TCF7L1: variants seen among roughly 807,000 people sequenced by gnomAD.
TCF7L1 encodes the protein transcription factor 7-like 1.
TCF7L1 carries 18 observed loss-of-function variants against 63.7 expected under a neutral mutation model. That is an observed-to-expected ratio of 0.28 (90% confidence interval 0.20 to 0.42). TCF7L1 has a LOEUF of 0.42. TCF7L1 is among the 10% of genes least tolerant of loss of function. The pLI is 1.00. For synonymous variants in TCF7L1, 355 were observed against 340.9 expected (o/e 1.04, Z -0.46); for missense variants, 654 against 779.3 (o/e 0.84, Z 1.91).
At chr2:85,178,235 C>A (rs569415463) in intron 3 of TCF7L1, among the ~76,000 whole-genome samples, 2 of 152,370 alleles carry the variant, frequency 1.3e-5, no homozygotes, top group African/African-American at 2.4e-5. Flanking sequence ...GCCTTTCTTA[C>A]ACACTTTTCA....
At chr2:85,161,955 C>T (rs956390885) in intron 3 of TCF7L1, among the ~76,000 whole-genome samples, 2 of 152,134 alleles carry the variant, frequency 1.3e-5, no homozygotes, top group African/African-American at 4.8e-5. Flanking sequence ...GCGAGGCAGG[C>T]CCAGCAAGGC....
At chr2:85,156,328 G>A (rs1678144411) in intron 3 of TCF7L1, among the ~76,000 whole-genome samples, 1 of 152,200 alleles carries the variant, frequency 6.6e-6, no homozygotes, top group Non-Finnish European at 1.5e-5. Context: ...TTGGCAAAAT[G>A]CCCTCTTCCT....
chr2:85,282,861 G>T (rs911436786), intron 3 of TCF7L1, among the ~76,000 whole-genome samples: 3 of 143,872 alleles, frequency 2.1e-5, no homozygotes, highest in African/African-American at 5.2e-5. Context: ...GTACTGTTTG[G>T]TTTGGGTTTT....
At chr2:85,151,005 A>C (rs1678000429) in intron 3 of TCF7L1, among the ~76,000 whole-genome samples, 2 of 152,202 alleles carry the variant, frequency 1.3e-5, no homozygotes, top group Admixed American at 1.3e-4. Flanking sequence ...ACTATAGAAC[A>C]TATTTGTGCA....
At chr2:85,200,789 C>A (rs1679253424) in intron 3 of TCF7L1, among the ~76,000 whole-genome samples, 2 of 152,184 alleles carry the variant, frequency 1.3e-5, no homozygotes, top group African/African-American at 4.8e-5. Flanking sequence ...GAGCAGCTCA[C>A]ATAGAGATCA....
rs894997759 is a variant in TCF7L1 at position 85,309,346 on chromosome 2, A to G, written c.1651A>G (p.Met551Val). The G allele has an allele frequency of 1.2e-6, 2 of 1,611,072 alleles. No homozygotes were observed. The highest frequency in any genetic ancestry group is 2.7e-5 in the African/African-American group (2 of 74,472). Residue 551 changes from methionine to valine, a missense_variant, in exon 12 of 12, where the codon ATG (methionine) becomes GTG (valine). Met to Val is a conservative substitution (Grantham distance 21). Transcript: ENST00000282111. ...LLSRPLPLGS[M>V]PTALLASPPS... ...GTCCCGGCCCCTCCCCCTTGGGTCC[A>G]TGCCCACAGCTCTGCTGGCCTCTCC...
intron 4 of TCF7L1, among the ~76,000 whole-genome samples, chr2:85,286,941 CA>C (rs1178447425): frequency 6.6e-6 from 1 of 152,084 alleles, no homozygotes; most frequent in Non-Finnish European, 1.5e-5. Flanking sequence ...CTGTCGTGAA[CA>C]AAAAAACAAA....
chr2:85,234,350 G>A (rs2104316560), intron 3 of TCF7L1, among the ~76,000 whole-genome samples: 1 of 151,962 alleles, frequency 6.6e-6, no homozygotes, highest in South Asian at 2.1e-4. Flanking sequence ...TGGCCAGGAT[G>A]GTCTCGATCT....
At chr2:85,307,828 C>A (rs191368286) in intron 11 of TCF7L1, 111 bp downstream of exon 11, 2 of 973,664 alleles carry the variant, frequency 2.1e-6, no homozygotes, top group Non-Finnish European at 3.2e-6. Flanking sequence ...TCGGTATTCG[C>A]GGGCGGGTAT....
rs570549014 is a variant in TCF7L1 at position 85,291,399 on chromosome 2, A to C, written c.525+7821A>C. On this transcript the variant is annotated intron_variant, in intron 4 of 11. Coordinates refer to ENST00000282111, the MANE Select transcript of TCF7L1 (RefSeq NM_031283.3). ...GTTCTACCTTTCACAAAACACTACA[A>C]AATAACTCAGCCATGTTTCTTCCCA... is the stretch of plus-strand genomic sequence containing the variant. 1.6e-4 allele frequency among the ~76,000 whole-genome samples: 25 copies of C among 152,282 alleles called. 2 individuals are homozygous for C. Among genetic ancestry groups the C allele is most frequent in the Non-Finnish European group, 2.9e-5 (2 of 68,024 alleles).
At chr2:85,155,829 A>G (rs1678129934) in intron 3 of TCF7L1, among the ~76,000 whole-genome samples, 1 of 152,084 alleles carries the variant, frequency 6.6e-6, no homozygotes, top group Non-Finnish European at 1.5e-5. Flanking sequence ...TAACATTGTT[A>G]GTTACATAAA....
chr2:85,180,164 G>C (rs1678770099), intron 3 of TCF7L1, among the ~76,000 whole-genome samples: 1 of 151,880 alleles, frequency 6.6e-6, no homozygotes, highest in Non-Finnish European at 1.5e-5. Context: ...GAGATGTGAG[G>C]CTGAGAATCT....
In TCF7L1 at chr2:85,237,106, A is replaced by G. The variant is rs1680208914; in HGVS notation, c.442-46389A>G. On this transcript the variant is annotated intron_variant, in intron 3 of 11. Transcript: ENST00000282111. The stretch of plus-strand genomic sequence containing the variant: ...TCCCATCTGCCCTGAAGTATGGTCC[A>G]GGAGGTGGTGATCATTTGGAGCACG... 2.6e-5 allele frequency among the ~76,000 whole-genome samples: 4 copies of G among 152,230 alleles called. No homozygotes were observed. In the South Asian group the frequency reaches 8.3e-4, roughly 31 times the overall value.
chr2:85,140,919 A>AAGG (rs1283937111), intron 3 of TCF7L1, among the ~76,000 whole-genome samples: 1 of 139,252 alleles, frequency 7.2e-6, no homozygotes, highest in Non-Finnish European at 1.6e-5. Flanking sequence ...GAGACAGAAG[A>AAGG]GAGAAAGAAA....
Position 85,283,554 on chromosome 2 carries a change from G to A in TCF7L1, c.501G>A (p.Thr167=), listed in dbSNP as rs756692433. The A allele has an allele frequency of 9.3e-6, 15 of 1,614,138 alleles. No individual in the cohort carries two copies. Among genetic ancestry groups the A allele is most frequent in the Middle Eastern group, 1.6e-4 (1 of 6,062 alleles). Residue 167 remains threonine, a synonymous_variant, in exon 4 of 12, where the codon ACG becomes ACA. Transcript: ENST00000282111. Reference sequence around the variant, plus strand: ...CCTCCAGCGCCACAGTCAAGGACACGAGGTCACCATCTCCAGCACACTTGG... The same window carrying A: ...CCTCCAGCGCCACAGTCAAGGACACAAGGTCACCATCTCCAGCACACTTGG... The part of the protein sequence containing the change: ...DVPSSATVKD[T]RSPSPAHLSN...
chr2:85,215,069 A>T (rs1572995135), intron 3 of TCF7L1, among the ~76,000 whole-genome samples: 1 of 152,194 alleles, frequency 6.6e-6, no homozygotes, highest in East Asian at 1.9e-4. Flanking sequence ...CTGAAACCAG[A>T]GTCTGTCCAT....
chr2:85,186,224 C>T (rs961764077), intron 3 of TCF7L1, among the ~76,000 whole-genome samples: 44 of 152,152 alleles, frequency 2.9e-4, no homozygotes, highest in Non-Finnish European at 4.4e-5. Context: ...GCCTCGGCCT[C>T]CCAGAGTGCT....
chr2:85,252,235 T>G (rs1365021322), intron 3 of TCF7L1, among the ~76,000 whole-genome samples: 1 of 152,174 alleles, frequency 6.6e-6, no homozygotes, highest in East Asian at 1.9e-4. Context: ...TCCTCCCACA[T>G]CCTCCCCACA....
intron 3 of TCF7L1, among the ~76,000 whole-genome samples, chr2:85,210,302 T>G (rs1258056504): frequency 2.0e-5 from 3 of 152,204 alleles, no homozygotes; most frequent in Non-Finnish European, 4.4e-5. Context: ...CTGGGGAGGC[T>G]GAGGGCCCAG....
Sources: gnomAD v4.1 joint callset for allele counts (sites outside exome capture counted in the v4.1 genomes callset) on GRCh38, gnomAD v4.1.1 for gene constraint, MANE v1.5 for transcripts, NCBI Gene and HGNC (gene_info 2026-07-23, HGNC 2026-07-21) for gene names.